Variants in DAB1 observed in about 807,000 individuals in gnomAD.
DAB1 encodes the protein disabled homolog 1.
DAB1 carries 15 observed loss-of-function variants against 64.6 expected under a neutral mutation model. The ratio of observed to expected loss-of-function variants is 0.23; its 90% CI spans 0.16 to 0.36. The LOEUF is 0.36. Among genes scored for constraint, DAB1 ranks in the 10% least tolerant of loss-of-function variants. The pLI is 1.00. For synonymous variants in DAB1, 235 were observed against 251.9 expected, an observed-to-expected ratio of 0.93 and a Z score of 0.64; for missense variants, 596 against 706.7, an observed-to-expected ratio of 0.84 and a Z score of 1.78.
chr1:57,763,602 C>A (rs1214491236), intron 6 of DAB1, among the ~76,000 whole-genome samples: 2 of 152,070 alleles, frequency 1.3e-5, no homozygotes, highest in Non-Finnish European at 2.9e-5. Context: ...TTGCTTGAGC[C>A]AGGAGGTGGA....
intron 7 of DAB1, among the ~76,000 whole-genome samples, chr1:57,593,333 A>T (rs1488988864): frequency 6.6e-6 from 1 of 152,060 alleles, no homozygotes; most frequent in African/African-American, 2.4e-5. Flanking sequence ...AAGTGTCCGA[A>T]TTTTTTTGTT....
At chr1:58,348,632 T>C (rs6587809) in intron 3 of DAB1, among the ~76,000 whole-genome samples, 76,610 of 151,964 alleles carry the variant, frequency 0.5, 19,294 homozygotes, top group East Asian at 0.59. Flanking sequence ...CCCTGATTTA[T>C]CCATCTTTAA....
chr1:58,340,823 T>A (rs549665062), intron 4 of DAB1, among the ~76,000 whole-genome samples: 1 of 152,196 alleles, frequency 6.6e-6, no homozygotes, highest in African/African-American at 2.4e-5. Flanking sequence ...AAGGTGTTCT[T>A]GTGTGTGAAA....
At chr1:57,146,513 C>T (rs931721329) in intron 2 of DAB1, among the ~76,000 whole-genome samples, 1 of 151,956 alleles carries the variant, frequency 6.6e-6, no homozygotes, top group African/African-American at 2.4e-5. Flanking sequence ...AGCCTGTTTC[C>T]CTCTATCTAC....
At position 58,038,376 on chromosome 1, in the gene DAB1, C is replaced by T. The variant is rs553581042; in HGVS notation, n.387+112135G>A. On this transcript the variant is annotated intron_variant and non_coding_transcript_variant, in intron 5 of 20. Transcript: ENST00000485760. ...TGGCAACTAAACAGCCTCCACACAA[C>T]GTACAGATCACCTTGTTATCTAGGT... 3.0e-3 allele frequency among the ~76,000 whole-genome samples: 453 copies of T among 151,874 alleles called. 1 individual carries two copies. The highest frequency in any genetic ancestry group is 9.9e-3 in the African/African-American group (406 of 41,206).
intron 4 of DAB1, among the ~76,000 whole-genome samples, chr1:58,311,284 A>G (rs937797904): frequency 6.6e-6 from 1 of 152,178 alleles, no homozygotes; most frequent in Admixed American, 6.6e-5. Flanking sequence ...GTCCCATTCT[A>G]TCATGAAGTC....
intron 4 of DAB1, among the ~76,000 whole-genome samples, chr1:58,212,192 T>C (rs7511972): frequency 0.067 from 10,232 of 152,212 alleles, 384 homozygotes; most frequent in Admixed American, 0.088. Context: ...ATGGTTCAAG[T>C]GGAAGTCTCT....
At chr1:58,229,622 A>T (rs772756909) in intron 4 of DAB1, among the ~76,000 whole-genome samples, 2 of 152,162 alleles carry the variant, frequency 1.3e-5, no homozygotes, top group Non-Finnish European at 2.9e-5. Flanking sequence ...CTAAATTCTA[A>T]AGGAGGAATA....
At chr1:58,111,113 T>C (rs532674502) in intron 5 of DAB1, among the ~76,000 whole-genome samples, 1 of 152,304 alleles carries the variant, frequency 6.6e-6, no homozygotes, top group Admixed American at 6.5e-5. Context: ...ACCATATCAA[T>C]ACAAATAGCA....
chr1:57,698,396 C>A (rs1646870698), intron 6 of DAB1, among the ~76,000 whole-genome samples: 1 of 152,044 alleles, frequency 6.6e-6, no homozygotes, highest in Non-Finnish European at 1.5e-5. Flanking sequence ...CAGTGCCTGT[C>A]CTTCTCTACT....
intron 4 of DAB1, among the ~76,000 whole-genome samples, chr1:58,307,127 T>C (rs987987605): frequency 2.6e-5 from 4 of 152,226 alleles, no homozygotes; most frequent in African/African-American, 7.2e-5. Context: ...TAACGTTTTA[T>C]TGACTCCCTA....
chr1:57,883,164 T>C (rs1557535459), intron 1 of DAB1, among the ~76,000 whole-genome samples: 1 of 152,196 alleles, frequency 6.6e-6, no homozygotes, highest in Non-Finnish European at 1.5e-5. Flanking sequence ...GGTCAATCTC[T>C]AATACCAACC....
chr1:58,093,313 G>T (rs1650788004), intron 5 of DAB1, among the ~76,000 whole-genome samples: 1 of 152,170 alleles, frequency 6.6e-6, no homozygotes, highest in South Asian at 2.1e-4. Flanking sequence ...TCAGGAACCT[G>T]ACACTTTAAA....
At chr1:57,032,156 T>C (rs1486558135) in intron 9 of DAB1, among the ~76,000 whole-genome samples, 2 of 152,138 alleles carry the variant, frequency 1.3e-5, no homozygotes, top group South Asian at 2.1e-4. Context: ...GAAGGCACCA[T>C]TGATGGAGGC....
intron 4 of DAB1, among the ~76,000 whole-genome samples, chr1:58,296,521 T>A (rs1662000593): frequency 6.6e-6 from 1 of 152,204 alleles, no homozygotes; most frequent in African/African-American, 2.4e-5. Context: ...AAGACTCCAG[T>A]GGCACATCCT....
intron 7 of DAB1, among the ~76,000 whole-genome samples, chr1:57,511,899 C>T (rs530803033): frequency 1.8e-4 from 27 of 152,292 alleles, no homozygotes; most frequent in South Asian, 4.1e-4. Context: ...TGGTCACTCA[C>T]GGCTCTACGT....
chr1:58,466,844 C>A (rs962764454), intron 3 of DAB1, among the ~76,000 whole-genome samples: 4 of 152,168 alleles, frequency 2.6e-5, no homozygotes, highest in African/African-American at 9.7e-5. Flanking sequence ...CATCTAAGCC[C>A]CCACTAGTTG....
intron 3 of DAB1, among the ~76,000 whole-genome samples, chr1:58,417,318 G>A (rs944311649): frequency 5.9e-5 from 9 of 152,246 alleles, no homozygotes; most frequent in Non-Finnish European, 1.2e-4. Context: ...GAAAGAACCA[G>A]GGGCGGGATC....
At chr1:58,451,839 G>C (rs1339190874) in intron 3 of DAB1, among the ~76,000 whole-genome samples, 1 of 151,880 alleles carries the variant, frequency 6.6e-6, no homozygotes, top group Non-Finnish European at 1.5e-5. Flanking sequence ...CACATACTCA[G>C]TGTAAGACTT....
Sources: gnomAD v4.1 joint callset for allele counts (sites outside exome capture counted in the v4.1 genomes callset) on GRCh38, gnomAD v4.1.1 for gene constraint, MANE v1.5 for transcripts, NCBI Gene and HGNC (gene_info 2026-07-23, HGNC 2026-07-21) for gene names.